UQCRC2: variants seen among roughly 807,000 people sequenced by gnomAD.
UQCRC2 encodes the protein cytochrome b-c1 complex subunit 2, mitochondrial.
UQCRC2 carries 49 observed loss-of-function variants against 55.6 expected under a neutral mutation model. The observed-to-expected ratio is 0.88, with a 90% CI of 0.70 to 1.12. UQCRC2 has a LOEUF of 1.12. UQCRC2 is among the 50% of genes most tolerant of loss of function. The pLI is 0.00. For missense variants in UQCRC2, 506 were observed against 547.8 expected (o/e 0.92, Z 0.76); for synonymous variants, 193 against 192.0 (o/e 1.01, Z -0.04).
At chr16:21,961,663 T>A in intron 4 of UQCRC2, among the ~76,000 whole-genome samples, 1 of 113,286 alleles carries the variant, frequency 8.8e-6, no homozygotes, top group East Asian at 2.2e-4. Context: ...TATATATATA[T>A]ATATATTTTA....
Position 21,953,379 on chromosome 16 carries a change from T to G in UQCRC2, c.-45T>G, listed in dbSNP as rs762158642. The G allele has an allele frequency of 6.2e-7, 1 of 1,607,968 alleles. No individual in the cohort carries two copies. On this transcript the variant is annotated 5_prime_UTR_variant, in exon 1 of 14. Transcript: ENST00000268379. ...TCCCGGCCTCCGCCACCATCTTGCT[T>G]TCCTTTAATCCGGCAGTGACCGTGT...
At chr16:21,978,215 A>G (rs537803474) in intron 12 of UQCRC2, among the ~76,000 whole-genome samples, 2 of 152,316 alleles carry the variant, frequency 1.3e-5, no homozygotes, top group East Asian at 3.9e-4. Flanking sequence ...TCATTGCCGA[A>G]AGGACACACT....
chr16:21,965,357 T>G (rs1898300665), intron 6 of UQCRC2, 51 bp from the exon 7 acceptor site: 1 of 1,561,606 alleles, frequency 6.4e-7, no homozygotes, highest in African/African-American at 1.4e-5. Context: ...TTAAAAATGT[T>G]GTCTTTACTG....
intron 7 of UQCRC2, among the ~76,000 whole-genome samples, chr16:21,967,918 ACTACGTAAG>A (rs1337931441): frequency 6.6e-6 from 1 of 152,062 alleles, no homozygotes; most frequent in East Asian, 1.9e-4. Context: ...AACCTGACAT[ACTACGTAAG>A]CTACATTATA....
At chr16:21,968,744 T>A (rs1012550374) in intron 8 of UQCRC2, 59 bp downstream of exon 8, 1 of 1,471,860 alleles carries the variant, frequency 6.8e-7, no homozygotes, top group African/African-American at 1.4e-5. Flanking sequence ...TTCCTTAAAC[T>A]GTAATTACGT....
intron 12 of UQCRC2, among the ~76,000 whole-genome samples, chr16:21,979,899 C>T (rs1898674654): frequency 1.3e-5 from 2 of 152,048 alleles, no homozygotes; most frequent in Admixed American, 1.3e-4. Context: ...CATGACTATA[C>T]CTTGAATTTC....
chr16:21,966,058 A>G (rs1281489799), intron 7 of UQCRC2, among the ~76,000 whole-genome samples: 2 of 151,962 alleles, frequency 1.3e-5, no homozygotes, highest in Non-Finnish European at 1.5e-5. Flanking sequence ...TCATGCGTGT[A>G]ATCTCAGCAC....
intron 12 of UQCRC2, among the ~76,000 whole-genome samples, chr16:21,977,295 A>G (rs1032639554): frequency 6.6e-6 from 1 of 152,140 alleles, no homozygotes; most frequent in Non-Finnish European, 1.5e-5. Flanking sequence ...TTGAGGCTGC[A>G]GTGAACTAAG....
chr16:21,981,827 C>T (rs549267197), intron 13 of UQCRC2, among the ~76,000 whole-genome samples: 6 of 151,336 alleles, frequency 4.0e-5, no homozygotes, highest in Admixed American at 1.3e-4. Flanking sequence ...TCGCCCCAAT[C>T]GTCATTTCAT....
At chr16:21,972,215 A>G in intron 10 of UQCRC2, 93 bp downstream of exon 10, 1 of 1,444,028 alleles carries the variant, frequency 6.9e-7, no homozygotes, top group Non-Finnish European at 9.4e-7. Context: ...ATGTAAGACA[A>G]ACACACAGAA....
rs753337990 is a variant in UQCRC2, at chr16:21,956,540, A to G, written c.34-695A>G. On this transcript the variant is annotated intron_variant, in intron 1 of 13. Coordinates refer to ENST00000268379, the MANE Select transcript of UQCRC2 (RefSeq NM_003366.4). ...GCGTGGGACACAGAGCACGACTCCAACTCAACAAAAAAGGTTGTGGATGGG... is the reference window on the plus strand; with the variant it reads ...GCGTGGGACACAGAGCACGACTCCAGCTCAACAAAAAAGGTTGTGGATGGG... Among the ~76,000 whole-genome samples, 23 of 152,148 alleles carry G rather than the reference A, an allele frequency of 1.5e-4. 1 individual carries two copies. Among genetic ancestry groups the G allele is most frequent in the Admixed American group, 3.9e-4 (6 of 15,268 alleles).
Position 21,980,690 on chromosome 16 carries a change from A to T in UQCRC2, c.1268A>T (p.Asp423Val). 1 of 1,613,026 alleles carries T rather than the reference A, an allele frequency of 6.2e-7. No individual in the cohort carries two copies. The highest frequency in any genetic ancestry group is 8.5e-7 in the Non-Finnish European group (1 of 1,179,746). ...LQQIDSVANA[D>V]IINAAKKFVS... ...CAGATTGATTCAGTGGCTAATGCTG[A>T]TATCATAAATGTAAGTAAATGAAAA... Residue 423 changes from aspartate (D) to valine (V), a missense_variant, in exon 13 of 14, where the codon GAT (aspartate) becomes GTT (valine). Physicochemically the swap from Asp to Val is radical, Grantham distance 152. Coordinates refer to ENST00000268379, the MANE Select transcript of UQCRC2 (RefSeq NM_003366.4).
chr16:21,971,406 CTTATT>C, intron 8 of UQCRC2, 114 bp from the exon 9 acceptor site: 1 of 795,892 alleles, frequency 1.3e-6, no homozygotes, highest in South Asian at 1.9e-5. Context: ...CAGGAAGACT[CTTATT>C]TATTTTGTAG....
chr16:21,959,818 A>G (rs1898159405), intron 4 of UQCRC2: 2 of 152,252 alleles, frequency 1.3e-5, no homozygotes, highest in Non-Finnish European at 2.9e-5. Flanking sequence ...AGCAGGCATG[A>G]AAACAGTGTC....
intron 11 of UQCRC2, among the ~76,000 whole-genome samples, chr16:21,975,085 C>CA (rs1898550757): frequency 6.6e-6 from 1 of 152,124 alleles, no homozygotes; most frequent in Non-Finnish European, 1.5e-5. Context: ...CAGTTGCATT[C>CA]AGAAGCCTAA....
At chr16:21,976,268 T>G (rs1898582995) in intron 12 of UQCRC2, 25 bp downstream of exon 12, 1 of 1,577,862 alleles carries the variant, frequency 6.3e-7, no homozygotes, top group African/African-American at 1.4e-5. Context: ...TAACTGTGTT[T>G]TATGTTTTTG....
In UQCRC2 at chr16:21,983,164, A is replaced by C; in HGVS notation, c.1355A>C (p.Glu452Ala). 1 of 1,613,996 alleles carries C rather than the reference A, an allele frequency of 6.2e-7. No homozygotes were observed. Among genetic ancestry groups the C allele is most frequent in the Non-Finnish European group, 8.5e-7 (1 of 1,179,922 alleles). ...GNLGHTPFVD[E>A]L is the part of the protein sequence containing the mutation. ...TTGGGACATACACCTTTTGTTGATG[A>C]GTTGTAATACTGATGCACACATTAC... Residue 452 changes from glutamate to alanine, a missense_variant, in exon 14 of 14, where the codon GAG becomes GCG. Transcript: ENST00000268379.
In UQCRC2 at chr16:21,972,132, A is replaced by G. The variant is rs918212471; in HGVS notation, c.966+10A>G. 6.2e-7 allele frequency: 1 copy of G among 1,609,422 alleles called. No individual in the cohort carries two copies. Among genetic ancestry groups the G allele is most frequent in the South Asian group, 1.1e-5 (1 of 90,528 alleles). ...TCAGCAGCCATTTGATGTGAGTCTG[A>G]ACAGTTGGTATCTCTCTTTTTGCTT... On this transcript the variant is annotated intron_variant, in intron 10 of 13. Transcript: ENST00000268379.
At chr16:21,961,762 C>T (rs999971133) in intron 4 of UQCRC2, among the ~76,000 whole-genome samples, 16 of 149,994 alleles carry the variant, frequency 1.1e-4, no homozygotes, top group Non-Finnish European at 5.9e-5. Flanking sequence ...AGCGATTCTC[C>T]TGCCTCAGCC....
Sources: allele counts gnomAD v4.1 joint callset (sites outside exome capture counted in the v4.1 genomes callset), GRCh38; gene constraint gnomAD v4.1.1; transcripts MANE v1.5; gene names NCBI Gene and HGNC (gene_info 2026-07-23, HGNC 2026-07-21).